NPY1R: variants seen among roughly 807,000 people sequenced by gnomAD.
NPY1R encodes neuropeptide Y receptor type 1.
Under a neutral mutation model 24.1 loss-of-function variants are expected in NPY1R, and 10 were observed. That is an observed-to-expected ratio of 0.42 (90% confidence interval 0.26 to 0.71). The LOEUF (loss-of-function observed/expected upper bound fraction) is 0.71, where lower values mean the gene tolerates loss of function less well. Among genes scored for constraint, NPY1R ranks in the 30% least tolerant of loss-of-function variants. The probability of loss-of-function intolerance (pLI) is 0.28; values close to 1 mark genes in which losing one functional copy is unlikely to be tolerated. For missense variants in NPY1R, 350 were observed against 458.0 expected, an observed-to-expected ratio of 0.76 and a Z score of 2.15; for synonymous variants, 168 against 165.9, an observed-to-expected ratio of 1.01 and a Z score of -0.10.
intron 1 of NPY1R, among the ~76,000 whole-genome samples, chr4:163,342,924 A>C (rs189732186): frequency 7.2e-4 from 110 of 152,004 alleles, no homozygotes; most frequent in African/African-American, 2.6e-3. Flanking sequence ...ACACATGGAC[A>C]TCTACCCAAT....
upstream of NPY1R, among the ~76,000 whole-genome samples, chr4:163,334,594 G>T (rs1734795882): frequency 6.6e-6 from 1 of 152,166 alleles, no homozygotes; most frequent in Non-Finnish European, 1.5e-5. Flanking sequence ...GGGGGCGGTG[G>T]CTCACGCCTG....
At chr4:163,343,503 C>G (rs1039808552) in intron 1 of NPY1R, among the ~76,000 whole-genome samples, 1 of 151,854 alleles carries the variant, frequency 6.6e-6, no homozygotes, top group Non-Finnish European at 1.5e-5. Context: ...CCCACCGTCC[C>G]CCACCCCAAA....
At position 163,325,727 on chromosome 4, in the gene NPY1R, A is replaced by C. The variant is rs1734589377; in HGVS notation, c.731T>G (p.Met244Arg). ...IYIRLKRRNN[M>R]MDKMRDNKYR... Reference sequence around the variant, plus strand: ...CTTATTGTCTCTCATCTTGTCCATCATGTTGTTTCTCCTTTTTAGGCGTAT... The same window carrying C: ...CTTATTGTCTCTCATCTTGTCCATCCTGTTGTTTCTCCTTTTTAGGCGTAT... The change falls in exon 3 of 3, where the codon ATG (methionine) becomes AGG (arginine). Residue 244 changes from methionine (M) to arginine (R), a missense_variant. Transcript: ENST00000296533. 6.2e-7 allele frequency: 1 copy of C among 1,600,622 alleles called. No homozygotes were observed. The highest frequency in any genetic ancestry group is 1.3e-5 in the African/African-American group (1 of 74,712).
intron 1 of NPY1R, among the ~76,000 whole-genome samples, chr4:163,340,918 A>G (rs1420549496): frequency 1.3e-5 from 2 of 152,116 alleles, no homozygotes; most frequent in African/African-American, 4.8e-5. Context: ...TATAATCATT[A>G]GGGCATCAAA....
intron 1 of NPY1R, among the ~76,000 whole-genome samples, chr4:163,331,334 T>C (rs1375812622): frequency 6.6e-6 from 1 of 152,060 alleles, no homozygotes; most frequent in African/African-American, 2.4e-5. Context: ...TCCTCTCCCC[T>C]AGGTTTTTCC....
Position 163,325,890 on chromosome 4 carries a change from C to T in NPY1R, c.665G>A (p.Gly222Asp). The part of the protein sequence containing the change: ...TTLLLVLQYF[G>D]PLCFIFICYF... ...GCAAATAAATATAAAACAAAGTGGA[C>T]CAAAATACTGCAGCACCAAGAGGAG... Residue 222 changes from glycine to aspartate, a missense_variant, in exon 2 of 3, where the codon GGT becomes GAT. By Grantham distance (94) the Gly-to-Asp change is moderately conservative (BLOSUM62 -1). Coordinates refer to ENST00000296533, the MANE Select transcript of NPY1R (RefSeq NM_000909.6). The T allele has an allele frequency of 6.2e-7, 1 of 1,613,874 alleles. No individual in the cohort carries two copies. The highest frequency in any genetic ancestry group is 8.5e-7 in the Non-Finnish European group (1 of 1,179,906).
intron 1 of NPY1R, among the ~76,000 whole-genome samples, chr4:163,331,787 T>TC (rs1734733913): frequency 6.6e-6 from 1 of 152,206 alleles, no homozygotes; most frequent in African/African-American, 2.4e-5. Flanking sequence ...GCTAAAGAGT[T>TC]CCCTGATTAG....
chr4:163,341,840 A>G (rs573523580), intron 1 of NPY1R, among the ~76,000 whole-genome samples: 3 of 152,340 alleles, frequency 2.0e-5, no homozygotes, highest in South Asian at 2.1e-4. Flanking sequence ...ATTATGTTCT[A>G]CAAAGAGTAA....
chr4:163,325,230 G>T lies in NPY1R; in HGVS notation c.*73C>A. On this transcript the variant is annotated 3_prime_UTR_variant, in exon 3 of 3. Transcript: ENST00000296533. The stretch of plus-strand genomic sequence containing the variant: ...TCAACCCCATTCCTTGGGAGAACAG[G>T]TAATCAAAGTATGTTGCAGGTTGTG... 9.7e-7 allele frequency: 1 copy of T among 1,028,014 alleles called. No homozygotes were observed. Among genetic ancestry groups the T allele is most frequent in the Non-Finnish European group, 1.5e-6 (1 of 688,956 alleles). The allele number at this position is 1,028,014 out of a possible 1,614,324, so 63.7% of individuals were successfully genotyped here.
chr4:163,333,615 ACAATTCTAATGG>A (rs1430754171), upstream of NPY1R, among the ~76,000 whole-genome samples: 1 of 152,242 alleles, frequency 6.6e-6, no homozygotes, highest in Non-Finnish European at 1.5e-5. Flanking sequence ...TCATTAGAAA[ACAATTCTAATGG>A]CAGTCTTTCT....
In NPY1R at chr4:163,326,045, AG is replaced by A; in HGVS notation, c.509del (p.Ser170PhefsTer5). The A allele has an allele frequency of 6.2e-7, 1 of 1,614,156 alleles. No homozygotes were observed. The highest frequency in any genetic ancestry group is 8.5e-7 in the Non-Finnish European group (1 of 1,179,988). ...AVIWVLAVAS[S>X]LPFLIYQVMT... Reference sequence around the variant, plus strand: ...TTACTTGGTAGATCAGGAAAGGCAAAGAAGAAGCCACAGCAAGGACCCAAAT... The same window carrying A: ...TTACTTGGTAGATCAGGAAAGGCAAAAAGAAGCCACAGCAAGGACCCAAAT... On this transcript the variant is annotated frameshift_variant, in exon 2 of 3. Transcript: ENST00000296533. LOFTEE classifies it high-confidence loss of function.
At chr4:163,344,221 A>C (rs1223381977) in intron 1 of NPY1R, 1 of 152,584 alleles carries the variant, frequency 6.6e-6, no homozygotes, top group East Asian at 1.9e-4. Context: ...CGGAACAGGC[A>C]CTTGTCAGGA....
intron 1 of NPY1R, among the ~76,000 whole-genome samples, chr4:163,340,421 GT>G (rs1484777955): frequency 1.3e-5 from 2 of 151,614 alleles, no homozygotes; most frequent in African/African-American, 4.9e-5. Context: ...ATGAAATATA[GT>G]TAATACTAGC....
At chr4:163,327,009 A>G (rs1418092675) in intron 1 of NPY1R, among the ~76,000 whole-genome samples, 1 of 152,230 alleles carries the variant, frequency 6.6e-6, no homozygotes, top group Non-Finnish European at 1.5e-5. Flanking sequence ...ATTCCTAAAC[A>G]TTATAAGAAT....
At chr4:163,336,877 C>G (rs939143884), upstream of NPY1R, among the ~76,000 whole-genome samples, 3 of 152,182 alleles carry the variant, frequency 2.0e-5, no homozygotes, top group East Asian at 5.8e-4. Flanking sequence ...AGGAGAATCA[C>G]TTGAATCTGG....
chr4:163,341,881 AT>A (rs1734991228), intron 1 of NPY1R, among the ~76,000 whole-genome samples: 1 of 152,228 alleles, frequency 6.6e-6, no homozygotes, highest in African/African-American at 2.4e-5. Flanking sequence ...CCCCTGGGAA[AT>A]TTAAAGGTAA....
intron 1 of NPY1R, among the ~76,000 whole-genome samples, chr4:163,327,314 G>A (rs541478624): frequency 1.3e-5 from 2 of 152,308 alleles, no homozygotes; most frequent in East Asian, 1.9e-4. Flanking sequence ...AAAATACTTA[G>A]TAGGAATGGT....
intron 1 of NPY1R, among the ~76,000 whole-genome samples, chr4:163,342,415 G>T (rs1376307269): frequency 6.6e-6 from 1 of 152,136 alleles, no homozygotes; most frequent in Non-Finnish European, 1.5e-5. Flanking sequence ...AGAGACAGTG[G>T]AGTTAAGAAA....
chr4:163,330,825 G>A (rs1734708733), intron 1 of NPY1R: 2 of 152,190 alleles, frequency 1.3e-5, no homozygotes, highest in Non-Finnish European at 2.9e-5. Context: ...ACAGCTCCCT[G>A]ATCATAACCT....
Sources: gnomAD v4.1 joint callset for allele counts (sites outside exome capture counted in the v4.1 genomes callset) on GRCh38, gnomAD v4.1.1 for gene constraint, MANE v1.5 for transcripts, NCBI Gene and HGNC (gene_info 2026-07-23, HGNC 2026-07-21) for gene names.